The following PLCB1 variants were observed in gnomAD, a reference collection of about 807,000 sequenced individuals.
PLCB1 encodes the protein phospholipase C beta 1.
In PLCB1, 46 loss-of-function variants were observed where a neutral mutation model predicts 161.8. The observed-to-expected ratio is 0.28, with a 90% CI of 0.22 to 0.36. The LOEUF is 0.36. Ranked by LOEUF, PLCB1 falls within the 10% of genes least tolerant of loss-of-function variation. The pLI is 1.00. For synonymous variants in PLCB1, 517 were observed against 503.7 expected (o/e 1.03, Z -0.35); for missense variants, 1,016 against 1,472.5 (o/e 0.69, Z 5.07).
At chr20:8,794,417 C>A (rs1983917127) in intron 31 of PLCB1, among the ~76,000 whole-genome samples, 2 of 152,192 alleles carry the variant, frequency 1.3e-5, no homozygotes, top group African/African-American at 4.8e-5. Context: ...GTTCTTCTGC[C>A]ATGGCTTCAG....
chr20:8,556,933 G>C (rs1985976873), intron 3 of PLCB1, among the ~76,000 whole-genome samples: 1 of 150,132 alleles, frequency 6.7e-6, no homozygotes. Context: ...AAACCACAAT[G>C]AGATACCACT....
intron 2 of PLCB1, among the ~76,000 whole-genome samples, chr20:8,311,016 T>A (rs1984375011): frequency 2.0e-5 from 3 of 152,188 alleles, no homozygotes; most frequent in African/African-American, 7.2e-5. Context: ...TTTATACTAC[T>A]CTCACCAGCA....
At chr20:8,639,994 G>A (rs552985488) in intron 4 of PLCB1, among the ~76,000 whole-genome samples, 20 of 152,136 alleles carry the variant, frequency 1.3e-4, no homozygotes, top group African/African-American at 4.6e-4. Flanking sequence ...ACAAAGAATC[G>A]TTCTTATAGC....
chr20:8,615,707 A>G (rs573401032), intron 3 of PLCB1, among the ~76,000 whole-genome samples: 94 of 152,334 alleles, frequency 6.2e-4, no homozygotes, highest in African/African-American at 1.4e-3. Flanking sequence ...AATCCATGGA[A>G]GAGGAGCACG....
At chr20:8,490,501 A>G (rs1982900295) in intron 3 of PLCB1, among the ~76,000 whole-genome samples, 1 of 152,328 alleles carries the variant, frequency 6.6e-6, no homozygotes, top group Non-Finnish European at 1.5e-5. Flanking sequence ...GTGGATGGAC[A>G]CAGGCTTTCT....
At chr20:8,134,936 C>T (rs570206516) in intron 1 of PLCB1, among the ~76,000 whole-genome samples, 94 of 151,546 alleles carry the variant, frequency 6.2e-4, no homozygotes, top group African/African-American at 2.2e-3. Flanking sequence ...AGCTATCTTG[C>T]AGGCTCTTTG....
intron 3 of PLCB1, among the ~76,000 whole-genome samples, chr20:8,601,497 C>T (rs578045236): frequency 6.6e-6 from 1 of 152,240 alleles, no homozygotes; most frequent in East Asian, 1.9e-4. Context: ...ATTTCCCTGA[C>T]TTGTGATACC....
At chr20:8,497,546 G>T (rs1225515457) in intron 3 of PLCB1, among the ~76,000 whole-genome samples, 1 of 152,120 alleles carries the variant, frequency 6.6e-6, no homozygotes, top group Non-Finnish European at 1.5e-5. Context: ...TGTGAAGGCT[G>T]CTCATAACAG....
intron 3 of PLCB1, among the ~76,000 whole-genome samples, chr20:8,521,975 G>A (rs965547695): frequency 1.3e-5 from 2 of 152,142 alleles, no homozygotes; most frequent in African/African-American, 2.4e-5. Context: ...ATTAGGCAGG[G>A]CCTTGACTAA....
intron 3 of PLCB1, among the ~76,000 whole-genome samples, chr20:8,544,688 T>G (rs576657913): frequency 1.3e-5 from 2 of 152,332 alleles, no homozygotes; most frequent in African/African-American, 4.8e-5. Flanking sequence ...ATTAGATGTT[T>G]CTGACACTGC....
At chr20:8,136,121 T>C (rs1486060572) in intron 1 of PLCB1, among the ~76,000 whole-genome samples, 4 of 152,246 alleles carry the variant, frequency 2.6e-5, no homozygotes, top group Non-Finnish European at 5.9e-5. Flanking sequence ...CATTTATTTA[T>C]TCCTTCTGTT....
At chr20:8,642,130 C>T (rs1988975501) in intron 4 of PLCB1, among the ~76,000 whole-genome samples, 2 of 151,944 alleles carry the variant, frequency 1.3e-5, no homozygotes, top group South Asian at 2.1e-4. Flanking sequence ...TGTTTCCTAG[C>T]TTTTTGTTAG....
intron 7 of PLCB1, among the ~76,000 whole-genome samples, chr20:8,655,253 G>A (rs1230525229): frequency 6.6e-6 from 1 of 152,078 alleles, no homozygotes; most frequent in Non-Finnish European, 1.5e-5. Flanking sequence ...ATATTTCAAA[G>A]GAAATAACAG....
intron 3 of PLCB1, among the ~76,000 whole-genome samples, chr20:8,388,844 T>C (rs1021279288): frequency 3.9e-5 from 6 of 152,212 alleles, no homozygotes; most frequent in Non-Finnish European, 7.3e-5. Flanking sequence ...TCCTTTTTTA[T>C]GTTCATTAAA....
In PLCB1 at chr20:8,646,192, CTA is replaced by C; in HGVS notation, c.464+12_464+13del. ...ATTTCTGGAAAAAGCGTAAGTCACT[CTA>C]ATTTTATTGCTAAGGGCGTTGCTTC... On this transcript the variant is annotated intron_variant, in intron 5 of 31. Transcript: ENST00000338037. The C allele has an allele frequency of 6.3e-7, 1 of 1,582,556 alleles. No individual in the cohort carries two copies. Among genetic ancestry groups the C allele is most frequent in the Non-Finnish European group, 8.7e-7 (1 of 1,151,226 alleles).
intron 3 of PLCB1, among the ~76,000 whole-genome samples, chr20:8,471,988 T>C (rs1982072886): frequency 6.6e-6 from 1 of 152,158 alleles, no homozygotes; most frequent in Non-Finnish European, 1.5e-5. Flanking sequence ...CTTTCCAGAA[T>C]TACAAAAAAA....
At chr20:8,338,937 T>C (rs1419642416) in intron 2 of PLCB1, among the ~76,000 whole-genome samples, 1 of 152,210 alleles carries the variant, frequency 6.6e-6, no homozygotes, top group Non-Finnish European at 1.5e-5. Flanking sequence ...TTTCGTGCAA[T>C]GTAATTTTTT....
chr20:8,817,836 T>G (rs1985150915), intron 31 of PLCB1, among the ~76,000 whole-genome samples: 1 of 152,180 alleles, frequency 6.6e-6, no homozygotes, highest in Non-Finnish European at 1.5e-5. Context: ...AAGCAAGTAC[T>G]TTTAAGGTTG....
intron 2 of PLCB1, among the ~76,000 whole-genome samples, chr20:8,252,366 G>A (rs1288696769): frequency 1.3e-5 from 2 of 151,766 alleles, no homozygotes; most frequent in Non-Finnish European, 1.5e-5. Flanking sequence ...ATGCCTAAAG[G>A]TCAGTGAATC....
Sources: gnomAD v4.1 joint callset for allele counts (sites outside exome capture counted in the v4.1 genomes callset) on GRCh38, gnomAD v4.1.1 for gene constraint, MANE v1.5 for transcripts, NCBI Gene and HGNC (gene_info 2026-07-23, HGNC 2026-07-21) for gene names.